Variants in LAMA3 observed in about 807,000 individuals in gnomAD.
LAMA3 encodes the protein laminin subunit alpha-3.
A neutral mutation model predicts 402.0 loss-of-function variants in LAMA3; 281 were observed. The observed-to-expected ratio is 0.70, with a 90% CI of 0.63 to 0.77. The LOEUF (loss-of-function observed/expected upper bound fraction) is 0.77, where lower values mean the gene tolerates loss of function less well. Ranked by LOEUF, LAMA3 falls within the 30% of genes least tolerant of loss-of-function variation. The probability of loss-of-function intolerance (pLI) is 0.00; values close to 1 mark genes in which losing one functional copy is unlikely to be tolerated. For missense variants in LAMA3, 3,840 were observed against 4,215.5 expected, an observed-to-expected ratio of 0.91 and a Z score of 2.47; for synonymous variants, 1,431 against 1,558.4, an observed-to-expected ratio of 0.92 and a Z score of 1.93.
At chr18:23,749,367 A>T in intron 3 of LAMA3, 61 bp from the exon 4 acceptor site, 1 of 899,290 alleles carries the variant, frequency 1.1e-6, no homozygotes, top group Non-Finnish European at 1.8e-6. Context: ...AAGGCTTCTT[A>T]AGAGATTTGC....
chr18:23,887,143 A>C (rs890765090), intron 41 of LAMA3, among the ~76,000 whole-genome samples: 1 of 152,230 alleles, frequency 6.6e-6, no homozygotes, highest in African/African-American at 2.4e-5. Flanking sequence ...AGTGCTAAGT[A>C]CTGGAGGCAC....
Position 23,871,479 on chromosome 18 carries a change from C to A in LAMA3, c.4816C>A (p.Leu1606Met). The stretch of plus-strand genomic sequence containing the variant: ...CCGTGCCCCAGTGTCTAGGGAGGAG[C>A]TGATGACAGTGCTGTCTAGACTGGC... Reference protein sequence around the residue: ...SSRAPVSREELMTVLSRLADV... With the variant: ...SSRAPVSREEMMTVLSRLADV... The change falls in exon 38 of 75, where the codon CTG becomes ATG. Residue 1606 changes from leucine (L) to methionine (M), a missense_variant. By Grantham distance (15) the Leu-to-Met change is conservative (BLOSUM62 2). Coordinates refer to ENST00000313654, the MANE Select transcript of LAMA3 (RefSeq NM_198129.4). 1 of 1,613,858 alleles carries A rather than the reference C, an allele frequency of 6.2e-7. No homozygotes were observed. The highest frequency in any genetic ancestry group is 8.5e-7 in the Non-Finnish European group (1 of 1,179,936).
At chr18:23,919,886 T>C (rs1196217858) in intron 60 of LAMA3, among the ~76,000 whole-genome samples, 2 of 151,432 alleles carry the variant, frequency 1.3e-5, no homozygotes, top group African/African-American at 4.9e-5. Context: ...CGGGGGTACA[T>C]GGGGAGACCG....
At chr18:23,777,740 C>T (rs896691613) in intron 11 of LAMA3, 121 bp downstream of exon 11, 1 of 798,120 alleles carries the variant, frequency 1.3e-6, no homozygotes, top group South Asian at 1.4e-5. Flanking sequence ...ATGGTAGGTG[C>T]CTTGCAGGTG....
chr18:23,740,815 G>A (rs2061549046), intron 2 of LAMA3, among the ~76,000 whole-genome samples: 1 of 152,180 alleles, frequency 6.6e-6, no homozygotes, highest in Admixed American at 6.5e-5. Flanking sequence ...TGCTAGTGTG[G>A]GAGGGGACTT....
chr18:23,857,879 G>C lies in LAMA3; in HGVS notation c.4172G>C (p.Arg1391Pro). 1 of 1,614,216 alleles carries C rather than the reference G, an allele frequency of 6.2e-7. No homozygotes were observed. Among genetic ancestry groups the C allele is most frequent in the East Asian group, 2.2e-5 (1 of 44,886 alleles). Residue 1391 changes from arginine (R) to proline (P), a missense_variant, in exon 33 of 75, where the codon CGA becomes CCA. By Grantham distance (103) the Arg-to-Pro change is moderately radical. Coordinates refer to ENST00000313654, the MANE Select transcript of LAMA3 (RefSeq NM_198129.4). The part of the protein sequence containing the change: ...KPRITGRQCD[R>P]CASGFYRFPE... ...AGAATCACAGGGCGGCAGTGTGACC[G>C]ATGTGCTTCCGGGTTTTACCGCTTT...
Position 23,845,074 on chromosome 18 carries a change from C to G in LAMA3, c.3669C>G (p.Asp1223Glu), listed in dbSNP as rs1166481958. The change falls in exon 30 of 75, where the codon GAC (aspartate) becomes GAG (glutamate). Residue 1223 changes from aspartate (D) to glutamate (E), a missense_variant. Physicochemically the swap from Asp to Glu is conservative, Grantham distance 45. Coordinates refer to ENST00000313654, the MANE Select transcript of LAMA3 (RefSeq NM_198129.4). Reference sequence around the variant, plus strand: ...AAATACTTCACAAAAAATCCATGGACAAGTCACTCGAGTTTATCACCAATT... The same window carrying G: ...AAATACTTCACAAAAAATCCATGGAGAAGTCACTCGAGTTTATCACCAATT... ...DYQILHKKSM[D>E]KSLEFITNCG... 1.9e-6 allele frequency: 3 copies of G among 1,613,204 alleles called. No individual in the cohort carries two copies. In the South Asian group the frequency reaches 3.3e-5, roughly 18 times the overall value.
chr18:23,826,734 T>G lies in LAMA3; in HGVS notation c.2604T>G (p.Tyr868Ter), dbSNP rs1023285793. The G allele has an allele frequency of 1.3e-6, 2 of 1,564,552 alleles. No individual in the cohort carries two copies. Among genetic ancestry groups the G allele is most frequent in the African/African-American group, 2.7e-5 (2 of 74,326 alleles). Residue 868 changes from tyrosine to a stop codon, truncating the protein, a stop_gained, in exon 22 of 75, where the codon TAT (tyrosine) becomes TAG (stop). Transcript: ENST00000313654. LOFTEE classifies it high-confidence loss of function. ...DYLVLLPRDY[Y>*]EASVLQLPVT... ...TGGTGCTGCTCCCCAGGGACTACTA[T>G]GAAGCCTCTGTACTGCAGCTGCCAG...
In LAMA3 at chr18:23,915,142, TAAATAGC is replaced by T. The variant is rs2081569267; in HGVS notation, c.7645-143_7645-137del. The T allele has an allele frequency of 1.2e-5, 11 of 923,398 alleles. No homozygotes were observed. In the South Asian group the frequency reaches 1.5e-4, roughly 12 times the overall value. The allele number at this position is 923,398 out of a possible 1,614,324, so 57.2% of individuals were successfully genotyped here. On this transcript the variant is annotated intron_variant, in intron 58 of 74. Transcript: ENST00000313654. ...AACTTGCCCACAGTCATACAGCTAGTAAATAGCAAAGCCAGGGCATCTTGTTCCAGGG... is the reference window on the plus strand; with the variant it reads ...AACTTGCCCACAGTCATACAGCTAGTAAAGCCAGGGCATCTTGTTCCAGGG...
rs540114465 is a variant in LAMA3, at chr18:23,861,840, A to G, written c.4584+33A>G. ...TGTCCTGCTGTTCTTCTGGGCCCTC[A>G]GTGGGCCTCTGCTATTGCTGCATGA... On this transcript the variant is annotated intron_variant, in intron 35 of 74. Transcript: ENST00000313654. 3.1e-6 allele frequency: 5 copies of G among 1,592,580 alleles called. No individual in the cohort carries two copies. In the East Asian group the frequency reaches 1.1e-4, roughly 36 times the overall value.
At chr18:23,757,744 C>A (rs1275693380) in intron 6 of LAMA3, among the ~76,000 whole-genome samples, 1 of 152,202 alleles carries the variant, frequency 6.6e-6, no homozygotes, top group Non-Finnish European at 1.5e-5. Flanking sequence ...GCTTGGAGTT[C>A]CAACCCAAAG....
intron 29 of LAMA3, among the ~76,000 whole-genome samples, chr18:23,844,464 C>T (rs1399272393): frequency 2.6e-5 from 4 of 152,198 alleles, no homozygotes; most frequent in Non-Finnish European, 5.9e-5. Context: ...CCAGCAGGCC[C>T]CTGCTTACCC....
chr18:23,850,440 C>G (rs1372192979), intron 32 of LAMA3, among the ~76,000 whole-genome samples: 1 of 152,220 alleles, frequency 6.6e-6, no homozygotes, highest in South Asian at 2.1e-4. Flanking sequence ...CAAGTCCTAG[C>G]TATGAGACTG....
intron 1 of LAMA3, among the ~76,000 whole-genome samples, chr18:23,702,911 A>G (rs185989710): frequency 6.6e-6 from 1 of 152,250 alleles, no homozygotes; most frequent in African/African-American, 2.4e-5. Context: ...CCCTCTCTAT[A>G]AAAGGGTCTG....
At chr18:23,767,898 T>C (rs1220416508) in intron 8 of LAMA3, among the ~76,000 whole-genome samples, 1 of 152,124 alleles carries the variant, frequency 6.6e-6, no homozygotes, top group Non-Finnish European at 1.5e-5. Context: ...ATTCAATAAA[T>C]GGTGCTAAGA....
At chr18:23,707,713 CT>C (rs2060915563) in intron 1 of LAMA3, among the ~76,000 whole-genome samples, 1 of 150,884 alleles carries the variant, frequency 6.6e-6, no homozygotes, top group Admixed American at 6.6e-5. Context: ...GTTGCTCAGG[CT>C]GTCACCAACT....
At chr18:23,693,152 T>G (rs2060623686) in intron 1 of LAMA3, among the ~76,000 whole-genome samples, 1 of 152,172 alleles carries the variant, frequency 6.6e-6, no homozygotes. Context: ...AAGACCAGCT[T>G]GGCCAGCATG....
intron 45 of LAMA3, 21 bp from the exon 46 acceptor site, chr18:23,898,933 A>C (rs755659281): frequency 6.2e-7 from 1 of 1,600,880 alleles, no homozygotes; most frequent in Non-Finnish European, 8.6e-7. Flanking sequence ...TTTGCTGCTA[A>C]TCAATTTATT....
intron 12 of LAMA3, among the ~76,000 whole-genome samples, chr18:23,785,785 G>T (rs2062532726): frequency 6.6e-6 from 1 of 152,056 alleles, no homozygotes; most frequent in Non-Finnish European, 1.5e-5. Context: ...CTCTCTACCA[G>T]CCACAACTTC....
Sources: allele counts gnomAD v4.1 joint callset (sites outside exome capture counted in the v4.1 genomes callset), GRCh38; gene constraint gnomAD v4.1.1; transcripts MANE v1.5; gene names NCBI Gene and HGNC (gene_info 2026-07-23, HGNC 2026-07-21).